ZBTB26: variants seen among roughly 807,000 people sequenced by gnomAD.
ZBTB26 encodes the protein zinc finger and BTB domain-containing protein 26.
Under a neutral mutation model 31.6 loss-of-function variants are expected in ZBTB26, and 12 were observed. That is an observed-to-expected ratio of 0.38 (90% CI 0.24 to 0.61). The LOEUF (loss-of-function observed/expected upper bound fraction) is 0.61. Among genes scored for constraint, ZBTB26 ranks in the 20% least tolerant of loss-of-function variants. The pLI is 0.60. For synonymous variants in ZBTB26, 155 were observed against 182.9 expected, an observed-to-expected ratio of 0.85 and a Z score of 1.23; for missense variants, 311 against 521.9, an observed-to-expected ratio of 0.60 and a Z score of 3.94.
At chr9:122,923,182 T>TC (rs1554778571) in intron 1 of ZBTB26, among the ~76,000 whole-genome samples, 1 of 32,706 alleles carries the variant, frequency 3.1e-5, no homozygotes, top group African/African-American at 7.7e-5. Context: ...AGACTCCATC[T>TC]CAAAAAAAAA....
At chr9:122,930,833 C>T (rs996246700) in intron 1 of ZBTB26, among the ~76,000 whole-genome samples, 4 of 152,246 alleles carry the variant, frequency 2.6e-5, no homozygotes, top group Admixed American at 2.6e-4. Context: ...CTAAAGCCTT[C>T]TCAGCAACGG....
Position 122,918,150 on chromosome 9 carries a change from G to A in ZBTB26, c.*459C>T, listed in dbSNP as rs1011169497. On this transcript the variant is annotated 3_prime_UTR_variant, in exon 2 of 2. Coordinates refer to ENST00000373656, the MANE Select transcript of ZBTB26 (RefSeq NM_020924.4). ...TGGAGGAATAATCAATAGGCAACCA[G>A]AAGTTCTATCACATTTTCAGGTCAA... 1.3e-5 allele frequency: 2 copies of A among 156,438 alleles called. No homozygotes were observed. Among genetic ancestry groups the A allele is most frequent in the African/African-American group, 4.8e-5 (2 of 41,480 alleles). 9.7% of individuals were successfully genotyped at this position (156,438 alleles called of 1,614,324 possible).
At chr9:122,924,103 C>G (rs1833141780) in intron 1 of ZBTB26, among the ~76,000 whole-genome samples, 1 of 152,236 alleles carries the variant, frequency 6.6e-6, no homozygotes, top group Non-Finnish European at 1.5e-5. Context: ...CGACGCATTT[C>G]TCAAAACACA....
At chr9:122,921,783 T>C (rs963747873) in intron 1 of ZBTB26, among the ~76,000 whole-genome samples, 10 of 151,978 alleles carry the variant, frequency 6.6e-5, no homozygotes, top group Non-Finnish European at 1.3e-4. Flanking sequence ...AATACAAAAT[T>C]AGCTGGGCGT....
intron 1 of ZBTB26, among the ~76,000 whole-genome samples, chr9:122,920,187 A>C (rs1833074421): frequency 6.6e-6 from 1 of 152,218 alleles, no homozygotes. Flanking sequence ...ATAGCTTGGC[A>C]TTCGTTCAAC....
rs1234748492 is a variant in ZBTB26, at chr9:122,916,192, T to G, written c.*2417A>C. On this transcript the variant is annotated 3_prime_UTR_variant, in exon 2 of 2. Transcript: ENST00000373656. ...TTCAAAAGGTGAGAACTAAATGTTTTACTGATACAAAAGCACAAAGTTGCT... is the reference window on the plus strand; with the variant it reads ...TTCAAAAGGTGAGAACTAAATGTTTGACTGATACAAAAGCACAAAGTTGCT... 1.3e-5 allele frequency: 2 copies of G among 152,258 alleles called. No individual in the cohort carries two copies. The highest frequency in any genetic ancestry group is 2.9e-5 in the Non-Finnish European group (2 of 68,042). The allele number at this position is 152,258 out of a possible 1,614,324, so 9.4% of individuals were successfully genotyped here. A position where few individuals can be genotyped will look rare whatever the true frequency, so the allele number is the denominator to read the frequency against.
chr9:122,925,047 T>A (rs1833156889), intron 1 of ZBTB26, among the ~76,000 whole-genome samples: 1 of 152,188 alleles, frequency 6.6e-6, no homozygotes, highest in Non-Finnish European at 1.5e-5. Flanking sequence ...TAATCTTCCT[T>A]GCTACATTTC....
At position 122,916,616 on chromosome 9, in the gene ZBTB26, A is replaced by T. The variant is rs575699839; in HGVS notation, c.*1993T>A. 2 of 152,324 alleles carry T rather than the reference A, an allele frequency of 1.3e-5. No individual in the cohort carries two copies. The highest frequency in any genetic ancestry group is 2.9e-5 in the Non-Finnish European group (2 of 68,024). 9.4% of individuals were successfully genotyped at this position (152,324 alleles called of 1,614,324 possible). A position where few individuals can be genotyped will look rare whatever the true frequency, so the allele number is the denominator to read the frequency against. On this transcript the variant is annotated 3_prime_UTR_variant, in exon 2 of 2. Coordinates refer to ENST00000373656, the MANE Select transcript of ZBTB26 (RefSeq NM_020924.4). ...TGTTTGGTTGACAGGGTAGAGTCTC[A>T]CTATTGCATAGAATTGGTACTCTTT...
rs1333994257 is a variant in ZBTB26, at chr9:122,915,926, GA to G, written c.*2682del. The stretch of plus-strand genomic sequence containing the variant: ...GATCCATAAAATACAAATGCTGAAT[GA>G]TAAAGGTTTTAAAAATCTTCCTCCT... On this transcript the variant is annotated 3_prime_UTR_variant, in exon 2 of 2. Coordinates refer to ENST00000373656, the MANE Select transcript of ZBTB26 (RefSeq NM_020924.4). 3 of 152,162 alleles carry G rather than the reference GA, an allele frequency of 2.0e-5. No homozygotes were observed. Among genetic ancestry groups the G allele is most frequent in the Non-Finnish European group, 2.9e-5 (2 of 68,036 alleles). The allele number at this position is 152,162 out of a possible 1,614,324, so 9.4% of individuals were successfully genotyped here. A position where few individuals can be genotyped will look rare whatever the true frequency, so the allele number is the denominator to read the frequency against.
rs1157858964 is a variant in ZBTB26, at chr9:122,915,810, T to C, written c.*2799A>G. 6.6e-6 allele frequency: 1 copy of C among 152,266 alleles called. No individual in the cohort carries two copies. Among genetic ancestry groups the C allele is most frequent in the Non-Finnish European group, 1.5e-5 (1 of 68,052 alleles). 9.4% of individuals were successfully genotyped at this position (152,266 alleles called of 1,614,324 possible). A position where few individuals can be genotyped will look rare whatever the true frequency, so the allele number is the denominator to read the frequency against. On this transcript the variant is annotated 3_prime_UTR_variant, in exon 2 of 2. Transcript: ENST00000373656. ...CTCAGAGCCACTTCAGTTTGGAGTT[T>C]AGTATTAAATAATAAATAAATAACT... is the stretch of plus-strand genomic sequence containing the variant.
intron 1 of ZBTB26, among the ~76,000 whole-genome samples, chr9:122,922,912 C>G (rs1833121580): frequency 6.6e-6 from 1 of 151,988 alleles, no homozygotes; most frequent in Non-Finnish European, 1.5e-5. Context: ...GGTGACCGGC[C>G]AGGCACAGTG....
chr9:122,923,001 C>G (rs932502545), intron 1 of ZBTB26, among the ~76,000 whole-genome samples: 3 of 151,864 alleles, frequency 2.0e-5, no homozygotes, highest in Admixed American at 6.6e-5. Context: ...CTGGCTAACA[C>G]AGTGAAACCC....
At position 122,931,441 on chromosome 9, in the gene ZBTB26, C is replaced by G. The variant is rs931992758; in HGVS notation, c.-15G>C. The G allele has an allele frequency of 6.5e-6, 1 of 152,680 alleles. No homozygotes were observed. Among genetic ancestry groups the G allele is most frequent in the Non-Finnish European group, 1.5e-5 (1 of 68,370 alleles). 9.5% of individuals were successfully genotyped at this position (152,680 alleles called of 1,614,324 possible). On this transcript the variant is annotated 5_prime_UTR_variant, in exon 1 of 2. Transcript: ENST00000373656. ...TCCGGCCGTCTCCGCACTTACAGAC[C>G]CGGGGGAAGGCCGCCGTCAGGATCC...
chr9:122,923,327 A>G (rs1833130829), intron 1 of ZBTB26, among the ~76,000 whole-genome samples: 2 of 151,628 alleles, frequency 1.3e-5, no homozygotes, highest in Non-Finnish European at 2.9e-5. Flanking sequence ...GACATTTTGA[A>G]TGTACCGATA....
chr9:122,920,037 A>AT (rs1364534642), intron 1 of ZBTB26, 93 bp from the exon 2 acceptor site: 1 of 1,386,304 alleles, frequency 7.2e-7, no homozygotes, highest in Non-Finnish European at 9.7e-7. Context: ...CTGTGTTGTC[A>AT]TATCTGTTTT....
intron 1 of ZBTB26, among the ~76,000 whole-genome samples, chr9:122,925,765 A>T (rs1347366980): frequency 2.3e-4 from 24 of 103,926 alleles, no homozygotes; most frequent in Admixed American, 8.3e-4. Context: ...TGCCCAGCTA[A>T]TTTTTTTTTT....
At chr9:122,922,683 A>G (rs943846127) in intron 1 of ZBTB26, among the ~76,000 whole-genome samples, 40 of 152,214 alleles carry the variant, frequency 2.6e-4, no homozygotes, top group African/African-American at 9.2e-4. Flanking sequence ...GTAAGGAAGA[A>G]CTGTTGTTAG....
Position 122,918,736 on chromosome 9 carries a change from A to G in ZBTB26, c.1199T>C (p.Phe400Ser). The G allele has an allele frequency of 6.2e-7, 1 of 1,614,194 alleles. No individual in the cohort carries two copies. Among genetic ancestry groups the G allele is most frequent in the Non-Finnish European group, 8.5e-7 (1 of 1,180,014 alleles). Reference sequence around the variant, plus strand: ...AGAGTCTGTGACTGTTGTACATGCAAAAGAATCAAAATCCACTGTGAGGTC... The same window carrying G: ...AGAGTCTGTGACTGTTGTACATGCAGAAGAATCAAAATCCACTGTGAGGTC... ...VQDLTVDFDS[F>S]ACTTVTDSKG... Residue 400 changes from phenylalanine (F) to serine (S), a missense_variant, in exon 2 of 2, where the codon TTT becomes TCT. Physicochemically the swap from Phe to Ser is radical, Grantham distance 155 (BLOSUM62 -2). This residue lies in a region of ZBTB26 where 49 missense variants were observed against 66.0 expected (regional missense o/e 0.74). Coordinates refer to ENST00000373656, the MANE Select transcript of ZBTB26 (RefSeq NM_020924.4).
At chr9:122,922,981 C>T (rs1198467539) in intron 1 of ZBTB26, among the ~76,000 whole-genome samples, 1 of 151,936 alleles carries the variant, frequency 6.6e-6, no homozygotes, top group African/African-American at 2.4e-5. Flanking sequence ...GTCAGGAGAT[C>T]CAGACCATCC....
Sources: allele counts gnomAD v4.1 joint callset (sites outside exome capture counted in the v4.1 genomes callset), GRCh38; gene constraint gnomAD v4.1.1; regional missense constraint gnomAD v4.1.1; transcripts MANE v1.5; gene names NCBI Gene and HGNC (gene_info 2026-07-23, HGNC 2026-07-21).